The following TANGO6 variants were observed in gnomAD, a reference collection of about 807,000 sequenced individuals.
TANGO6 encodes the protein transport and Golgi organization protein 6 homolog.
TANGO6 carries 90 observed loss-of-function variants against 114.2 expected under a neutral mutation model. That is an observed-to-expected ratio of 0.79 (90% CI 0.66 to 0.94). TANGO6 has a LOEUF of 0.94. TANGO6 is among the 40% of genes least tolerant of loss of function. The pLI, the probability that TANGO6 is intolerant of heterozygous loss-of-function variation, is 0.00. For synonymous variants in TANGO6, 477 were observed against 509.8 expected (o/e 0.94, Z 0.87); for missense variants, 1,274 against 1,315.3 (o/e 0.97, Z 0.49).
chr16:68,978,351 A>G (rs561428093), intron 15 of TANGO6, among the ~76,000 whole-genome samples: 32 of 152,330 alleles, frequency 2.1e-4, no homozygotes, highest in African/African-American at 7.5e-4. Context: ...TCCTCCTTAC[A>G]TAGTCTTATA....
chr16:69,036,728 C>T (rs1233600550), intron 16 of TANGO6, among the ~76,000 whole-genome samples: 2 of 152,152 alleles, frequency 1.3e-5, no homozygotes, highest in African/African-American at 4.8e-5. Flanking sequence ...TTTGGGAAGC[C>T]GAGGCAGGCG....
intron 1 of TANGO6, 31 bp downstream of exon 1, chr16:68,843,742 A>G: frequency 6.2e-7 from 1 of 1,608,146 alleles, no homozygotes; most frequent in Non-Finnish European, 8.5e-7. Context: ...GCCGGGCTGG[A>G]CCCGGGACTC....
chr16:68,932,381 G>A (rs922660532), intron 14 of TANGO6, among the ~76,000 whole-genome samples: 4 of 152,018 alleles, frequency 2.6e-5, no homozygotes, highest in East Asian at 1.9e-4. Context: ...GTGAGCCACC[G>A]CACCTGGCCA....
chr16:69,030,888 A>G (rs548466760), intron 16 of TANGO6, among the ~76,000 whole-genome samples: 26 of 121,672 alleles, frequency 2.1e-4, no homozygotes, highest in African/African-American at 6.3e-4. Flanking sequence ...CGTCTCTACT[A>G]AAAAAAAAAA....
At chr16:68,975,548 T>C (rs1297733596) in intron 15 of TANGO6, among the ~76,000 whole-genome samples, 1 of 151,640 alleles carries the variant, frequency 6.6e-6, no homozygotes, top group Non-Finnish European at 1.5e-5. Context: ...GAAATGTTTC[T>C]TTCTTTTCTT....
intron 14 of TANGO6, among the ~76,000 whole-genome samples, chr16:68,931,622 G>C (rs1393002394): frequency 6.6e-6 from 1 of 152,118 alleles, no homozygotes; most frequent in Non-Finnish European, 1.5e-5. Context: ...TGAAAACATG[G>C]TAAGTGAAAG....
At chr16:68,989,576 A>G (rs1963929216) in intron 15 of TANGO6, among the ~76,000 whole-genome samples, 2 of 152,164 alleles carry the variant, frequency 1.3e-5, no homozygotes, top group South Asian at 4.1e-4. Context: ...TCCTTATCTG[A>G]TAACTAAAAT....
chr16:69,053,401 TAATA>T (rs1163697316), intron 17 of TANGO6, among the ~76,000 whole-genome samples: 1 of 152,204 alleles, frequency 6.6e-6, no homozygotes, highest in African/African-American at 2.4e-5. Context: ...TCTCTAAAGT[TAATA>T]AATGTTTCAT....
intron 14 of TANGO6, among the ~76,000 whole-genome samples, chr16:68,945,046 C>T (rs1963399712): frequency 1.3e-5 from 2 of 152,164 alleles, no homozygotes; most frequent in Admixed American, 1.3e-4. Flanking sequence ...ACTCTGGAGG[C>T]AGGAGAATCA....
rs1419618474 is a variant in TANGO6 at position 69,083,898 on chromosome 16, T to C, written c.*237T>C. ...AAGAGAAGACAGTTACAGATCTCATTAATCTACATTTTTCACTGTCCTCTA... is the reference window on the plus strand; with the variant it reads ...AAGAGAAGACAGTTACAGATCTCATCAATCTACATTTTTCACTGTCCTCTA... On this transcript the variant is annotated 3_prime_UTR_variant, in exon 18 of 18. Transcript: ENST00000261778. The C allele has an allele frequency of 9.8e-6, 4 of 410,036 alleles. No homozygotes were observed. Among genetic ancestry groups the C allele is most frequent in the African/African-American group, 8.1e-5 (4 of 49,482 alleles). 25.4% of individuals were successfully genotyped at this position (410,036 alleles called of 1,614,324 possible).
intron 7 of TANGO6, among the ~76,000 whole-genome samples, chr16:68,888,268 TA>T (rs1962565173): frequency 6.6e-6 from 1 of 152,204 alleles, no homozygotes; most frequent in African/African-American, 2.4e-5. Flanking sequence ...GCCCAATCCC[TA>T]GAATGCTTAA....
At chr16:69,010,674 T>TC (rs1964135322) in intron 15 of TANGO6, among the ~76,000 whole-genome samples, 1 of 152,124 alleles carries the variant, frequency 6.6e-6, no homozygotes. Context: ...CATGAAATCT[T>TC]CCCCAAGAAG....
At chr16:68,910,957 G>A (rs766893008) in intron 11 of TANGO6, among the ~76,000 whole-genome samples, 3 of 152,138 alleles carry the variant, frequency 2.0e-5, no homozygotes, top group East Asian at 3.9e-4. Flanking sequence ...GATTACAGGC[G>A]TGAGCTACCG....
rs577260983 is a variant in TANGO6, at chr16:68,910,603, A to G, written c.1992+1201A>G. ...AGCTAAGGTTAAAATGTATCAGGGC[A>G]AAAAGAACCACAAGGAAATATTAAA... On this transcript the variant is annotated intron_variant, in intron 11 of 17. Coordinates refer to ENST00000261778, the MANE Select transcript of TANGO6 (RefSeq NM_024562.2). 3.9e-5 allele frequency among the ~76,000 whole-genome samples: 6 copies of G among 152,342 alleles called. No homozygotes were observed. The East Asian group carries it at 1.2e-3, about 29-fold the overall frequency.
intron 15 of TANGO6, among the ~76,000 whole-genome samples, chr16:68,996,168 G>A (rs373958449): frequency 5.3e-5 from 8 of 152,254 alleles, no homozygotes; most frequent in African/African-American, 1.7e-4. Context: ...GGAAATTCAA[G>A]GCTGAAAAGT....
At chr16:68,954,000 G>A (rs1256161335) in intron 14 of TANGO6, among the ~76,000 whole-genome samples, 2 of 152,070 alleles carry the variant, frequency 1.3e-5, no homozygotes, top group African/African-American at 4.8e-5. Context: ...AGCACTTTCG[G>A]AGGCCGAGGT....
Position 69,068,087 on chromosome 16 carries a change from G to A in TANGO6, c.3109-15398G>A, listed in dbSNP as rs370318711. The stretch of plus-strand genomic sequence containing the variant: ...ATCTGGGAGGCAGAGGTTGCGGTGA[G>A]CCAAGATCACACCACTGCACTCCAG... On this transcript the variant is annotated intron_variant, in intron 17 of 17. Coordinates refer to ENST00000261778, the MANE Select transcript of TANGO6 (RefSeq NM_024562.2). 2.2e-4 allele frequency among the ~76,000 whole-genome samples: 34 copies of A among 152,044 alleles called. No individual in the cohort carries two copies. In the East Asian group the frequency reaches 3.5e-3, roughly 16 times the overall value.
intron 15 of TANGO6, among the ~76,000 whole-genome samples, chr16:69,004,868 C>G (rs913549948): frequency 1.3e-5 from 2 of 152,058 alleles, no homozygotes; most frequent in African/African-American, 4.8e-5. Flanking sequence ...CCTCCTGCAT[C>G]GAAACATTAA....
chr16:69,067,518 C>CAAAAAAAA lies in TANGO6; in HGVS notation c.3109-15955_3109-15948dup, dbSNP rs1199698790. On this transcript the variant is annotated intron_variant, in intron 17 of 17. Transcript: ENST00000261778. ...AGGCAACAAGAGCAAAACTCCATCTCAAAAAAAAAAAAAAAAAAACGCTGG... is the reference window on the plus strand; with the variant it reads ...AGGCAACAAGAGCAAAACTCCATCTCAAAAAAAAAAAAAAAAAAAAAAAAAAACGCTGG... Among the ~76,000 whole-genome samples the CAAAAAAAA allele has an allele frequency of 6.2e-4, 27 of 43,724 alleles. 2 individuals are homozygous for CAAAAAAAA. Among genetic ancestry groups the CAAAAAAAA allele is most frequent in the African/African-American group, 1.9e-3 (19 of 10,172 alleles). The allele number at this position is 43,724 out of a possible 152,430, so 28.7% of individuals were successfully genotyped here. A position where few individuals can be genotyped will look rare whatever the true frequency, so the allele number is the denominator to read the frequency against.
Sources: allele counts gnomAD v4.1 joint callset (sites outside exome capture counted in the v4.1 genomes callset), GRCh38; gene constraint gnomAD v4.1.1; transcripts MANE v1.5; gene names NCBI Gene and HGNC (gene_info 2026-07-23, HGNC 2026-07-21).